The following TCF25 variants were observed in gnomAD, a reference collection of about 807,000 sequenced individuals.
The protein encoded by TCF25 is TCF25 ribosome quality control complex subunit, also known as ribosome quality control complex subunit TCF25.
In TCF25, 41 loss-of-function variants were observed where a neutral mutation model predicts 83.1. The ratio of observed to expected loss-of-function variants is 0.49; its 90% CI spans 0.38 to 0.64. TCF25 has a LOEUF of 0.64. Ranked by LOEUF, TCF25 falls within the 30% of genes least tolerant of loss-of-function variation. The pLI, the probability that TCF25 is intolerant of heterozygous loss-of-function variation, is 0.00. For missense variants in TCF25, 979 were observed against 914.5 expected, an observed-to-expected ratio of 1.07 and a Z score of -0.91; for synonymous variants, 458 against 365.0, an observed-to-expected ratio of 1.25 and a Z score of -2.90.
chr16:89,893,912 C>T (rs2043621410), intron 7 of TCF25, 54 bp downstream of exon 7: 2 of 1,550,746 alleles, frequency 1.3e-6, no homozygotes, highest in Admixed American at 1.9e-5. Flanking sequence ...GCCACCACTG[C>T]CCTGGGCCGC....
At chr16:89,884,263 C>T (rs946306796) in intron 2 of TCF25, among the ~76,000 whole-genome samples, 6 of 152,106 alleles carry the variant, frequency 3.9e-5, no homozygotes, top group Non-Finnish European at 7.4e-5. Context: ...CACAGCAAGG[C>T]CCCCGTCTTC....
chr16:89,902,578 A>G (rs906410878), intron 12 of TCF25, among the ~76,000 whole-genome samples: 6 of 147,942 alleles, frequency 4.1e-5, no homozygotes, highest in African/African-American at 1.5e-4. Flanking sequence ...AGTCCCAGCT[A>G]CTTGGGAGGC....
rs533112569 is a variant in TCF25, at chr16:89,881,365, T to C, written c.193-1986T>C. 1.3e-4 allele frequency among the ~76,000 whole-genome samples: 20 copies of C among 152,310 alleles called. No individual in the cohort carries two copies. In the East Asian group the frequency reaches 3.9e-3, roughly 29 times the overall value. ...AAATTAAACAGGCAGTTTTATTTAT[T>C]TTTGAACCTTAGTGCATCCGATTGG... On this transcript the variant is annotated intron_variant, in intron 1 of 17. Transcript: ENST00000263346.
At chr16:89,899,548 G>C (rs904164213) in intron 11 of TCF25, among the ~76,000 whole-genome samples, 2 of 152,146 alleles carry the variant, frequency 1.3e-5, no homozygotes, top group Non-Finnish European at 2.9e-5. Context: ...CCTCAACATG[G>C]AGAAACCCTG....
intron 9 of TCF25, 108 bp from the exon 10 acceptor site, chr16:89,898,449 C>T (rs978043957): frequency 9.3e-7 from 1 of 1,079,148 alleles, no homozygotes; most frequent in East Asian, 2.4e-5. Flanking sequence ...TGGTACTGGC[C>T]AGGACGCTGA....
intron 4 of TCF25, among the ~76,000 whole-genome samples, chr16:89,887,337 C>T (rs757006054): frequency 3.9e-5 from 6 of 152,026 alleles, no homozygotes; most frequent in Non-Finnish European, 8.8e-5. Flanking sequence ...TCAGTTAAGA[C>T]GCAGTAGTGT....
intron 16 of TCF25, chr16:89,909,148 T>C (rs1200462861): frequency 5.5e-6 from 7 of 1,280,746 alleles, no homozygotes; most frequent in Non-Finnish European, 7.1e-6. Flanking sequence ...TTTTAGAATG[T>C]AGAAATAAAC....
intron 1 of TCF25, among the ~76,000 whole-genome samples, chr16:89,877,210 T>G (rs1257402157): frequency 1.3e-5 from 2 of 152,102 alleles, no homozygotes; most frequent in Admixed American, 6.6e-5. Context: ...GTGTGTGTGT[T>G]TTGGTTTTTT....
intron 12 of TCF25, 68 bp downstream of exon 12, chr16:89,900,862 G>A: frequency 7.0e-7 from 1 of 1,427,728 alleles, no homozygotes; most frequent in Non-Finnish European, 9.3e-7. Flanking sequence ...TGCTCTTCCT[G>A]GTGGTGGAGG....
rs761443216 is a variant in TCF25 at position 89,884,637 on chromosome 16, G to A, written c.410G>A (p.Ser137Asn). ...AAAAAAAAACAGAAAAACAAGAAAA[G>A]CAGCACGGGAGAAGCATCGGTACGT... ...KKKKKQKNKK[S>N]STGEASENGL... The change falls in exon 3 of 18, where the codon AGC (serine) becomes AAC (asparagine). Residue 137 changes from serine (S) to asparagine (N), a missense_variant. By Grantham distance (46) the Ser-to-Asn change is conservative (BLOSUM62 1). Coordinates refer to ENST00000263346, the MANE Select transcript of TCF25 (RefSeq NM_014972.3). 2.5e-6 allele frequency: 4 copies of A among 1,613,150 alleles called. No homozygotes were observed. The highest frequency in any genetic ancestry group is 2.2e-5 in the East Asian group (1 of 44,862).
At chr16:89,899,013 C>CT in intron 11 of TCF25, 141 bp downstream of exon 11, 1 of 799,886 alleles carries the variant, frequency 1.3e-6, no homozygotes, top group South Asian at 1.6e-5. Context: ...GTCCTCCTGC[C>CT]TTGTTTGTCT....
chr16:89,884,521 A>G, intron 2 of TCF25, 61 bp from the exon 3 acceptor site: 3 of 1,576,144 alleles, frequency 1.9e-6, no homozygotes, highest in Non-Finnish European at 1.7e-6. Context: ...TTGCTGCTTT[A>G]ATTCTCACTT....
chr16:89,882,783 C>T (rs1449388202), intron 1 of TCF25, among the ~76,000 whole-genome samples: 12 of 152,158 alleles, frequency 7.9e-5, no homozygotes, highest in South Asian at 2.1e-4. Context: ...GACAGGGTTT[C>T]GCCATGTTGG....
In TCF25 at chr16:89,911,200, C is replaced by G. The variant is rs2045527158; in HGVS notation, c.1993C>G (p.His665Asp). The change falls in exon 18 of 18, where the codon CAC (histidine) becomes GAC (aspartate). Residue 665 changes from histidine (H) to aspartate (D), a missense_variant. By Grantham distance (81) the His-to-Asp change is moderately conservative. Transcript: ENST00000263346. ...NFHLNDLEAP[H>D]EDDAEGEGEW... Reference sequence around the variant, plus strand: ...CCACCTCAACGACCTGGAGGCGCCGCACGAGGACGACGCTGAGGGGGAGGG... The same window carrying G: ...CCACCTCAACGACCTGGAGGCGCCGGACGAGGACGACGCTGAGGGGGAGGG... 1 of 1,612,348 alleles carries G rather than the reference C, an allele frequency of 6.2e-7. No individual in the cohort carries two copies. The highest frequency in any genetic ancestry group is 8.5e-7 in the Non-Finnish European group (1 of 1,179,972).
At chr16:89,908,312 C>G (rs2045152819) in intron 16 of TCF25, among the ~76,000 whole-genome samples, 1 of 142,632 alleles carries the variant, frequency 7.0e-6, no homozygotes, top group African/African-American at 2.7e-5. Context: ...CTCCTCCCAC[C>G]TTCTAGTTCC....
chr16:89,906,318 T>TA, intron 15 of TCF25, 34 bp downstream of exon 15: 1 of 1,603,242 alleles, frequency 6.2e-7, no homozygotes, highest in Non-Finnish European at 8.5e-7. Flanking sequence ...GAGCTCTGTG[T>TA]AAGCCGGTCA....
chr16:89,883,227 C>T (rs950961146), intron 1 of TCF25, 124 bp from the exon 2 acceptor site: 7 of 1,308,158 alleles, frequency 5.4e-6, no homozygotes, highest in Non-Finnish European at 6.2e-6. Flanking sequence ...CTTTCCCGTC[C>T]AGCGTCTCGC....
chr16:89,876,232 C>A (rs1362703333), intron 1 of TCF25, among the ~76,000 whole-genome samples: 1 of 152,096 alleles, frequency 6.6e-6, no homozygotes, highest in African/African-American at 2.4e-5. Flanking sequence ...CAGTGGCACA[C>A]ATCAGTCTTA....
chr16:89,873,724 C>T lies in TCF25; in HGVS notation c.57C>T (p.Leu19=), dbSNP rs758375927. 5 of 1,611,220 alleles carry T rather than the reference C, an allele frequency of 3.1e-6. No individual in the cohort carries two copies. Among genetic ancestry groups the T allele is most frequent in the African/African-American group, 1.3e-5 (1 of 74,732 alleles). The change falls in exon 1 of 18, where the codon CTC becomes CTT. Residue 19 remains leucine (L), a synonymous_variant. Coordinates refer to ENST00000263346, the MANE Select transcript of TCF25 (RefSeq NM_014972.3). The part of the protein sequence containing the change: ...LRGEQRGQEP[L]GPGALHFDLR... Reference sequence around the variant, plus strand: ...GGGAACAGCGCGGCCAGGAGCCCCTCGGGCCCGGCGCCTTGCATTTCGATC... The same window carrying T: ...GGGAACAGCGCGGCCAGGAGCCCCTTGGGCCCGGCGCCTTGCATTTCGATC...
Sources: allele counts gnomAD v4.1 joint callset (sites outside exome capture counted in the v4.1 genomes callset), GRCh38; gene constraint gnomAD v4.1.1; transcripts MANE v1.5; gene names NCBI Gene and HGNC (gene_info 2026-07-23, HGNC 2026-07-21).